MPO: variants seen among roughly 807,000 people sequenced by gnomAD.
MPO encodes myeloperoxidase.
A neutral mutation model predicts 69.4 loss-of-function variants in MPO; 57 were observed. The observed-to-expected ratio is 0.82, with a 90% CI of 0.66 to 1.02. MPO has a LOEUF of 1.02. Among genes scored for constraint, MPO ranks in the 50% least tolerant of loss-of-function variants. MPO has a pLI of 0.00. For missense variants in MPO, 971 were observed against 1,014.1 expected (o/e 0.96, Z 0.58); for synonymous variants, 426 against 417.1 (o/e 1.02, Z -0.26).
In MPO at chr17:58,278,154, C is replaced by A; in HGVS notation, c.886-9G>T. On this transcript the variant is annotated splice_polypyrimidine_tract_variant and intron_variant, in intron 6 of 11. Coordinates refer to ENST00000225275, the MANE Select transcript of MPO (RefSeq NM_000250.2). ...GGGTCATTGGGCGGGATCTGAGGCA[C>A]AGAGAGAGGCTAGACTGGCTCACCG... 3 of 1,600,190 alleles carry A rather than the reference C, an allele frequency of 1.9e-6. No homozygotes were observed. Among genetic ancestry groups the A allele is most frequent in the South Asian group, 2.2e-5 (2 of 91,060 alleles).
chr17:58,279,398 G>T lies in MPO; in HGVS notation c.577C>A (p.Arg193Ser), dbSNP rs571273656. Residue 193 changes from arginine (R) to serine (S), a missense_variant, in exon 5 of 12, where the codon CGT becomes AGT. Coordinates refer to ENST00000225275, the MANE Select transcript of MPO (RefSeq NM_000250.2). ...RRSPTLGASN[R>S]AFVRWLPAEY... ...GCCGGCAGCCAGCGCACAAAGGCACGGTTGGAGGCCCCCAGCGTGGGGCTG... is the reference window on the plus strand; with the variant it reads ...GCCGGCAGCCAGCGCACAAAGGCACTGTTGGAGGCCCCCAGCGTGGGGCTG... 3.1e-6 allele frequency: 5 copies of T among 1,607,840 alleles called. No homozygotes were observed. Among genetic ancestry groups the T allele is most frequent in the Admixed American group, 1.7e-5 (1 of 59,100 alleles).
In MPO at chr17:58,272,939, G is replaced by A. The variant is rs772348166; in HGVS notation, c.1622-21C>T. The stretch of plus-strand genomic sequence containing the variant: ...GCCACCTGGGGACCAGAGGAGCCAG[G>A]TCAGGGGAAGTATCTGGCTCAGTAT... On this transcript the variant is annotated intron_variant, in intron 9 of 11. Coordinates refer to ENST00000225275, the MANE Select transcript of MPO (RefSeq NM_000250.2). The A allele has an allele frequency of 6.2e-6, 10 of 1,613,624 alleles. No homozygotes were observed. The South Asian group carries it at 6.6e-5, about 11-fold the overall frequency.
chr17:58,275,712 G>A lies in MPO; in HGVS notation c.1205-10C>T. On this transcript the variant is annotated splice_polypyrimidine_tract_variant and intron_variant, in intron 7 of 11. Transcript: ENST00000225275. The surrounding 1 kb of genome is among the most constrained non-coding windows in gnomAD (Gnocchi z 4.1). Reference sequence around the variant, plus strand: ...CTGGAACGGGTGTCCCCTTGGGGAGGCAAAAGCCACTGTCATTCTTAAGGC... The same window carrying A: ...CTGGAACGGGTGTCCCCTTGGGGAGACAAAAGCCACTGTCATTCTTAAGGC... The A allele has an allele frequency of 6.2e-7, 1 of 1,614,056 alleles. No homozygotes were observed. The highest frequency in any genetic ancestry group is 8.5e-7 in the Non-Finnish European group (1 of 1,179,986).
At chr17:58,272,641 A>G in intron 10 of MPO, 107 bp downstream of exon 10, 2 of 1,339,768 alleles carry the variant, frequency 1.5e-6, no homozygotes, top group Non-Finnish European at 1.0e-6. Context: ...TGCCTCTAAT[A>G]TGCTTTGGAG....
chr17:58,274,191 T>C (rs747870285), intron 8 of MPO: 4 of 500,900 alleles, frequency 8.0e-6, no homozygotes, highest in Non-Finnish European at 1.6e-5. Flanking sequence ...CATTCTGGCA[T>C]GATTTTCCCT....
chr17:58,280,293 CCCTGCTG>C, intron 2 of MPO, 66 bp downstream of exon 2: 2 of 1,499,684 alleles, frequency 1.3e-6, no homozygotes, highest in Non-Finnish European at 1.9e-6. Context: ...CCTTCAAGCT[CCCTGCTG>C]CCTGCTGCTT....
intron 10 of MPO, among the ~76,000 whole-genome samples, 169 bp from the exon 11 acceptor site, chr17:58,272,061 C>G (rs982644359): frequency 1.3e-5 from 2 of 152,200 alleles, no homozygotes; most frequent in African/African-American, 4.8e-5. Flanking sequence ...TCAAGGAACC[C>G]TGTACCTTTG....
At position 58,271,734 on chromosome 17, in the gene MPO, G is replaced by A. The variant is rs544802395; in HGVS notation, c.1951C>T (p.Leu651=). The part of the protein sequence containing the change: ...DIWMGGVSEP[L]KRKGRVGPLL... ...GGGCCCACGCGGCCTTTGCGCTTCA[G>A]AGGCTCGGACACGCCGCCCATCCAG... The change falls in exon 11 of 12, where the codon CTG becomes TTG. Residue 651 remains leucine, a synonymous_variant. Coordinates refer to ENST00000225275, the MANE Select transcript of MPO (RefSeq NM_000250.2). 463 of 1,613,902 alleles carry A rather than the reference G, an allele frequency of 2.9e-4. 5 individuals carry two copies. The South Asian group carries it at 4.8e-3, about 17-fold the overall frequency.
At chr17:58,278,181 G>A in intron 6 of MPO, 36 bp from the exon 7 acceptor site, 1 of 1,595,942 alleles carries the variant, frequency 6.3e-7, no homozygotes, top group Non-Finnish European at 8.5e-7. Flanking sequence ...GGCTCACCGA[G>A]GGCAAGGAAG....
intron 3 of MPO, 29 bp downstream of exon 3, chr17:58,279,810 G>A: frequency 1.9e-6 from 3 of 1,613,980 alleles, no homozygotes; most frequent in Non-Finnish European, 2.5e-6. Context: ...TAGTGGAGCA[G>A]GGACCTGGGG....
In MPO at chr17:58,279,951, C is replaced by T; in HGVS notation, c.312G>A (p.Gln104=). ...CCGCCGTCCTGGTGGCTGCCACCGG[C>T]TGCTTGAAGTAGGATAGGAGTTCCA... is the stretch of plus-strand genomic sequence containing the variant. ...SPMELLSYFK[Q]PVAATRTAVR... The change falls in exon 3 of 12, where the codon CAG becomes CAA. Residue 104 remains glutamine (Q), a synonymous_variant. Transcript: ENST00000225275. The T allele has an allele frequency of 6.2e-7, 1 of 1,613,810 alleles. No homozygotes were observed. Among genetic ancestry groups the T allele is most frequent in the Non-Finnish European group, 8.5e-7 (1 of 1,180,034 alleles).
intron 7 of MPO, among the ~76,000 whole-genome samples, chr17:58,277,522 C>T (rs1265063391): frequency 2.0e-5 from 3 of 152,178 alleles, no homozygotes; most frequent in East Asian, 1.9e-4. Context: ...GGATTTGACT[C>T]TCTTGTCTTC....
intron 5 of MPO, 38 bp downstream of exon 5, chr17:58,279,259 G>T: frequency 6.4e-7 from 1 of 1,567,178 alleles, no homozygotes; most frequent in African/African-American, 1.4e-5. Context: ...CGCGCACCGC[G>T]TGGCCGGGCC....
chr17:58,273,907 C>T (rs1970401629), intron 8 of MPO, among the ~76,000 whole-genome samples: 1 of 152,202 alleles, frequency 6.6e-6, no homozygotes, highest in African/African-American at 2.4e-5. Context: ...AATTATTAAC[C>T]TCTCTGAGCC....
intron 8 of MPO, among the ~76,000 whole-genome samples, chr17:58,273,933 T>C (rs1181069392): frequency 6.6e-6 from 1 of 152,252 alleles, no homozygotes; most frequent in Non-Finnish European, 1.5e-5. Flanking sequence ...TCCTCAAATG[T>C]ACATTAAGGA....
rs144557565 is a variant in MPO at position 58,270,792 on chromosome 17, C to G, written c.2102G>C (p.Arg701Pro). 6.2e-7 allele frequency: 1 copy of G among 1,614,020 alleles called. No individual in the cohort carries two copies. Among genetic ancestry groups the G allele is most frequent in the East Asian group, 2.2e-5 (1 of 44,874 alleles). Residue 701 changes from arginine (R) to proline (P), a missense_variant, in exon 12 of 12, where the codon CGG becomes CCG. Coordinates refer to ENST00000225275, the MANE Select transcript of MPO (RefSeq NM_000250.2). This position sits in a 1 kb window ranked among gnomAD's most constrained non-coding sequence, Gnocchi z 4.1. ...GATGCCTGTGTTGTCGCAGATGATC[C>G]GGGGCAATGAGATCTGGGCCAGGGC... ...RQALAQISLP[R>P]IICDNTGITT...
chr17:58,280,079 C>A (rs1970497144), intron 2 of MPO, 65 bp from the exon 3 acceptor site: 1 of 1,596,146 alleles, frequency 6.3e-7, no homozygotes, highest in Non-Finnish European at 8.5e-7. Context: ...AGAGCCCCAG[C>A]CCAGGGGCAG....
Position 58,278,130 on chromosome 17 carries a change from G to A in MPO, c.901C>T (p.Pro301Ser). The A allele has an allele frequency of 6.2e-7, 1 of 1,601,940 alleles. No homozygotes were observed. Among genetic ancestry groups the A allele is most frequent in the Non-Finnish European group, 8.5e-7 (1 of 1,179,934 alleles). Residue 301 changes from proline (P) to serine (S), a missense_variant, in exon 7 of 12, where the codon CCC becomes TCC. Pro to Ser is a moderately conservative substitution (Grantham distance 74, BLOSUM62 -1). Coordinates refer to ENST00000225275, the MANE Select transcript of MPO (RefSeq NM_000250.2). ...CFPLKIPPND[P>S]RIKNQADCIP... is the part of the protein sequence containing the mutation. ...CAGTCGGCTTGGTTCTTGATGCGGG[G>A]GTCATTGGGCGGGATCTGAGGCACA... is the stretch of plus-strand genomic sequence containing the variant.
At chr17:58,272,129 C>T (rs188002350) in intron 10 of MPO, among the ~76,000 whole-genome samples, 5 of 152,326 alleles carry the variant, frequency 3.3e-5, no homozygotes, top group Admixed American at 1.3e-4. Context: ...TTTCTCTTGC[C>T]CTCCTACCAT....
Sources: allele counts gnomAD v4.1 joint callset (sites outside exome capture counted in the v4.1 genomes callset), GRCh38; gene constraint gnomAD v4.1.1; non-coding constraint Gnocchi (gnomAD v3.1); transcripts MANE v1.5; gene names NCBI Gene and HGNC (gene_info 2026-07-23, HGNC 2026-07-21).